Variants in LAMA2 observed in about 807,000 individuals in gnomAD.
LAMA2 encodes laminin subunit alpha-2.
In LAMA2, 269 loss-of-function variants were observed where a neutral mutation model predicts 364.8. The ratio of observed to expected loss-of-function variants is 0.74; its 90% CI spans 0.67 to 0.82. The LOEUF (loss-of-function observed/expected upper bound fraction) is 0.82, where lower values mean the gene tolerates loss of function less well. Ranked by LOEUF, LAMA2 falls within the 40% of genes least tolerant of loss-of-function variation. LAMA2 has a pLI of 0.00. For synonymous variants in LAMA2, 1,379 were observed against 1,370.6 expected, an observed-to-expected ratio of 1.01 and a Z score of -0.14; for missense variants, 3,807 against 3,873.2, an observed-to-expected ratio of 0.98 and a Z score of 0.45.
chr6:128,885,876 T>C (rs986420542), intron 1 of LAMA2, among the ~76,000 whole-genome samples: 2 of 152,200 alleles, frequency 1.3e-5, no homozygotes, highest in Non-Finnish European at 1.5e-5. Context: ...GGAAATTCTT[T>C]AGCTATATTT....
chr6:129,348,408 A>G (rs1183018216), intron 30 of LAMA2, among the ~76,000 whole-genome samples: 1 of 152,190 alleles, frequency 6.6e-6, no homozygotes, highest in African/African-American at 2.4e-5. Flanking sequence ...GTGCAGCATT[A>G]TCTTTCTGCC....
intron 41 of LAMA2, among the ~76,000 whole-genome samples, chr6:129,430,984 T>G (rs1781562026): frequency 6.6e-6 from 1 of 152,160 alleles, no homozygotes; most frequent in African/African-American, 2.4e-5. Context: ...ATTAAGATTT[T>G]AAAATTATAC....
Position 128,883,235 on chromosome 6 carries a change from C to A in LAMA2, c.-11C>A. The A allele has an allele frequency of 6.5e-7, 1 of 1,549,104 alleles. No homozygotes were observed. Among genetic ancestry groups the A allele is most frequent in the South Asian group, 1.2e-5 (1 of 84,120 alleles). On this transcript the variant is annotated 5_prime_UTR_variant, in exon 1 of 65. Coordinates refer to ENST00000421865, the MANE Select transcript of LAMA2 (RefSeq NM_000426.4). ...GGCTCCCGAGAAGTGGATCCGGTCG[C>A]GGCCACTACGATGCCGGGAGCCGCC... is the stretch of plus-strand genomic sequence containing the variant.
chr6:128,956,361 A>T (rs1285581912), intron 1 of LAMA2, among the ~76,000 whole-genome samples: 1 of 151,886 alleles, frequency 6.6e-6, no homozygotes, highest in African/African-American at 2.4e-5. Context: ...CCTTTAGGGA[A>T]TTTTTTTAAA....
chr6:128,920,385 C>T (rs532623744), intron 1 of LAMA2, among the ~76,000 whole-genome samples: 165 of 151,932 alleles, frequency 1.1e-3, no homozygotes, highest in African/African-American at 2.4e-3. Flanking sequence ...CTCGATCTCT[C>T]GACCTCGCAA....
intron 15 of LAMA2, among the ~76,000 whole-genome samples, chr6:129,263,789 G>A (rs1372944713): frequency 6.6e-6 from 1 of 152,152 alleles, no homozygotes; most frequent in Non-Finnish European, 1.5e-5. Context: ...ACCTAGGCTG[G>A]AGTGCAGTGA....
Position 129,454,499 on chromosome 6 carries a change from A to T in LAMA2, c.6707+211A>T, listed in dbSNP as rs1338564235. Among the ~76,000 whole-genome samples the T allele has an allele frequency of 2.0e-5, 3 of 151,978 alleles. No homozygotes were observed. The South Asian group carries it at 6.2e-4, about 32-fold the overall frequency. On this transcript the variant is annotated intron_variant, in intron 47 of 64. Coordinates refer to ENST00000421865, the MANE Select transcript of LAMA2 (RefSeq NM_000426.4). ...CTTCCAGGTATTGACCAGAGGAACA[A>T]CTCCATTTCTGACCCCTTCATCTTG...
chr6:129,229,934 G>A (rs1400058554), intron 12 of LAMA2, among the ~76,000 whole-genome samples: 2 of 152,152 alleles, frequency 1.3e-5, no homozygotes, highest in South Asian at 2.1e-4. Flanking sequence ...ATATCGAGGT[G>A]TAAATGTTAA....
intron 1 of LAMA2, among the ~76,000 whole-genome samples, chr6:128,936,510 C>T (rs1235199284): frequency 6.6e-6 from 1 of 152,036 alleles, no homozygotes; most frequent in African/African-American, 2.4e-5. Flanking sequence ...TTCCAGGACC[C>T]CCAGAGTATG....
At chr6:129,158,993 T>G in intron 8 of LAMA2, 3 of 1,589,546 alleles carry the variant, frequency 1.9e-6, no homozygotes, top group Non-Finnish European at 1.7e-6. Flanking sequence ...ATTTTCTGAC[T>G]TTTTCTGGTC....
At chr6:129,358,563 A>G (rs1000498107) in intron 32 of LAMA2, among the ~76,000 whole-genome samples, 2 of 152,080 alleles carry the variant, frequency 1.3e-5, no homozygotes, top group African/African-American at 4.8e-5. Flanking sequence ...TCCACAAAAC[A>G]GACAGCATCC....
At chr6:129,479,799 G>A (rs765359050) in intron 54 of LAMA2, 7 of 152,122 alleles carry the variant, frequency 4.6e-5, no homozygotes, top group Non-Finnish European at 8.8e-5. Context: ...GAACTTTCAG[G>A]ATCTTCATTG....
chr6:128,969,554 G>A (rs767429586), intron 1 of LAMA2, among the ~76,000 whole-genome samples: 5 of 151,956 alleles, frequency 3.3e-5, no homozygotes, highest in East Asian at 1.9e-4. Flanking sequence ...CCTCAGCCAC[G>A]AGAGTAGCTG....
chr6:128,967,625 G>A (rs150286635), intron 1 of LAMA2, among the ~76,000 whole-genome samples: 2 of 152,166 alleles, frequency 1.3e-5, no homozygotes, highest in Non-Finnish European at 2.9e-5. Context: ...AAAATGTAAC[G>A]GGATCTTTAC....
At chr6:129,130,057 A>G (rs531841028) in intron 4 of LAMA2, among the ~76,000 whole-genome samples, 84 of 152,334 alleles carry the variant, frequency 5.5e-4, no homozygotes, top group Non-Finnish European at 9.3e-4. Flanking sequence ...TAGGAAGAGC[A>G]TATGGTATTC....
At chr6:129,260,371 A>T (rs946653592) in intron 14 of LAMA2, among the ~76,000 whole-genome samples, 12 of 152,162 alleles carry the variant, frequency 7.9e-5, no homozygotes, top group African/African-American at 2.9e-4. Context: ...AGTCATTGGA[A>T]TGTTTTCTTT....
At chr6:128,885,971 G>T (rs1164865965) in intron 1 of LAMA2, among the ~76,000 whole-genome samples, 1 of 152,172 alleles carries the variant, frequency 6.6e-6, no homozygotes, top group African/African-American at 2.4e-5. Context: ...ATATTCTTGT[G>T]AATAATATGT....
chr6:129,485,693 G>A (rs142738398), intron 55 of LAMA2, among the ~76,000 whole-genome samples: 1 of 152,268 alleles, frequency 6.6e-6, no homozygotes, highest in East Asian at 1.9e-4. Flanking sequence ...TCCTCAAAAT[G>A]TTCTGTGGTG....
intron 34 of LAMA2, 53 bp downstream of exon 34, chr6:129,370,043 A>C: frequency 7.0e-7 from 1 of 1,437,564 alleles, no homozygotes; most frequent in Non-Finnish European, 9.8e-7. Flanking sequence ...ATGTCAATGA[A>C]GGAAAATTAC....
Sources: allele counts gnomAD v4.1 joint callset (sites outside exome capture counted in the v4.1 genomes callset), GRCh38; gene constraint gnomAD v4.1.1; transcripts MANE v1.5; gene names NCBI Gene and HGNC (gene_info 2026-07-23, HGNC 2026-07-21).